Variants in PDE10A observed in about 807,000 individuals in gnomAD.
PDE10A encodes phosphodiesterase 10A.
In PDE10A, 39 loss-of-function variants were observed where a neutral mutation model predicts 97.7. The ratio of observed to expected loss-of-function variants is 0.40; its 90% CI spans 0.31 to 0.52. The LOEUF is 0.52. Ranked by LOEUF, PDE10A falls within the 20% of genes least tolerant of loss-of-function variation. The probability of loss-of-function intolerance (pLI) is 0.56; values close to 1 mark genes in which losing one functional copy is unlikely to be tolerated. For synonymous variants in PDE10A, 371 were observed against 376.8 expected, an observed-to-expected ratio of 0.98 and a Z score of 0.18; for missense variants, 731 against 1,047.8, an observed-to-expected ratio of 0.70 and a Z score of 4.17.
chr6:165,727,463 C>G (rs1472225701), intron 1 of PDE10A, among the ~76,000 whole-genome samples: 3 of 152,168 alleles, frequency 2.0e-5, no homozygotes, highest in Non-Finnish European at 4.4e-5. Flanking sequence ...GATGCCTGTT[C>G]CTCCTCCTTC....
intron 1 of PDE10A, among the ~76,000 whole-genome samples, chr6:165,574,803 A>G (rs948804765): frequency 6.6e-6 from 1 of 152,324 alleles, no homozygotes; most frequent in Middle Eastern, 3.4e-3. Flanking sequence ...TAATAAAACA[A>G]TAGATTTCTG....
intron 1 of PDE10A, among the ~76,000 whole-genome samples, chr6:165,930,973 A>G (rs936719204): frequency 2.0e-5 from 3 of 152,200 alleles, no homozygotes; most frequent in African/African-American, 7.2e-5. Flanking sequence ...GCCCCGTGAA[A>G]TATGGTGAGA....
At chr6:165,599,589 T>C (rs1307928586) in intron 1 of PDE10A, among the ~76,000 whole-genome samples, 1 of 152,248 alleles carries the variant, frequency 6.6e-6, no homozygotes, top group Non-Finnish European at 1.5e-5. Flanking sequence ...TTTAGTATCA[T>C]AAAACTTCTT....
chr6:165,534,948 T>C (rs1005278632), intron 2 of PDE10A, among the ~76,000 whole-genome samples: 1 of 151,902 alleles, frequency 6.6e-6, no homozygotes, highest in African/African-American at 2.4e-5. Context: ...GCCAGAGCAA[T>C]TACACAAGAG....
intron 1 of PDE10A, among the ~76,000 whole-genome samples, chr6:165,690,824 A>G (rs1269616738): frequency 6.6e-6 from 1 of 152,206 alleles, no homozygotes; most frequent in Non-Finnish European, 1.5e-5. Context: ...CAGATATTTC[A>G]TCAAACTTTA....
intron 1 of PDE10A, among the ~76,000 whole-genome samples, chr6:165,872,569 T>C (rs565054029): frequency 3.5e-4 from 53 of 152,284 alleles, no homozygotes; most frequent in African/African-American, 1.2e-3. Context: ...ATGAGTGCAA[T>C]TGTTCCTTTG....
intron 1 of PDE10A, among the ~76,000 whole-genome samples, chr6:165,551,544 A>G (rs998806077): frequency 6.6e-6 from 1 of 152,204 alleles, no homozygotes; most frequent in Admixed American, 6.5e-5. Flanking sequence ...ATAACAGGAA[A>G]ATGAAGCAAA....
intron 3 of PDE10A, among the ~76,000 whole-genome samples, chr6:165,470,635 C>T (rs1443136809): frequency 6.6e-6 from 1 of 152,198 alleles, no homozygotes; most frequent in South Asian, 2.1e-4. Context: ...TTTGGTTACG[C>T]TTGTTTTTCT....
intron 2 of PDE10A, among the ~76,000 whole-genome samples, chr6:165,482,714 C>G (rs553991605): frequency 1.4e-4 from 22 of 152,290 alleles, no homozygotes; most frequent in African/African-American, 4.6e-4. Flanking sequence ...CCCAAATGAC[C>G]TTTAACACTC....
chr6:165,390,824 G>A (rs1310209651), intron 16 of PDE10A, among the ~76,000 whole-genome samples: 1 of 152,156 alleles, frequency 6.6e-6, no homozygotes, highest in Non-Finnish European at 1.5e-5. Context: ...CACATAATTG[G>A]AAGGGAAATC....
chr6:165,340,205 TTTTA>T (rs1302406013), intron 19 of PDE10A, among the ~76,000 whole-genome samples: 3 of 152,320 alleles, frequency 2.0e-5, no homozygotes, highest in Non-Finnish European at 2.9e-5. Flanking sequence ...TTATCTTGCT[TTTTA>T]TTTATTTGTT....
At chr6:165,491,328 A>G (rs1213853824) in intron 2 of PDE10A, among the ~76,000 whole-genome samples, 1 of 152,214 alleles carries the variant, frequency 6.6e-6, no homozygotes, top group Non-Finnish European at 1.5e-5. Flanking sequence ...ACAGCACTAA[A>G]CAGGTCATCA....
intron 2 of PDE10A, among the ~76,000 whole-genome samples, chr6:165,541,921 C>T (rs1783462216): frequency 6.6e-6 from 1 of 152,098 alleles, no homozygotes; most frequent in East Asian, 1.9e-4. Flanking sequence ...ATTTAAAAAA[C>T]ATTACCACTA....
intron 10 of PDE10A, among the ~76,000 whole-genome samples, chr6:165,427,688 A>G (rs373143221): frequency 3.3e-5 from 5 of 152,120 alleles, no homozygotes; most frequent in Admixed American, 1.3e-4. Context: ...GAACATATTA[A>G]TAATACAAAG....
intron 1 of PDE10A, among the ~76,000 whole-genome samples, chr6:165,787,739 G>A (rs74374664): frequency 1.3e-5 from 2 of 152,150 alleles, no homozygotes; most frequent in African/African-American, 2.4e-5. Context: ...CAACCTGCAG[G>A]TATCCTATTT....
chr6:165,897,654 C>T (rs1204519474), intron 1 of PDE10A, among the ~76,000 whole-genome samples: 1 of 147,466 alleles, frequency 6.8e-6, no homozygotes, highest in Non-Finnish European at 1.5e-5. Flanking sequence ...CTCCAGGCTT[C>T]TTGCTTTGCT....
chr6:165,549,241 A>T (rs73250029), intron 1 of PDE10A, among the ~76,000 whole-genome samples: 1,766 of 152,358 alleles, frequency 0.012, 38 homozygotes, highest in African/African-American at 0.04. Context: ...TCATTGTTCT[A>T]TCACACAACA....
At chr6:165,653,518 A>T (rs568256166) in intron 1 of PDE10A, among the ~76,000 whole-genome samples, 2 of 152,194 alleles carry the variant, frequency 1.3e-5, no homozygotes, top group African/African-American at 4.8e-5. Flanking sequence ...GAGGAAGTGG[A>T]GAGAGACAGA....
intron 1 of PDE10A, among the ~76,000 whole-genome samples, chr6:165,563,058 G>A (rs1020352631): frequency 1.3e-5 from 2 of 150,986 alleles, no homozygotes; most frequent in Non-Finnish European, 2.9e-5. Flanking sequence ...TGGACTTTAT[G>A]AAGACAACAA....
Sources: gnomAD v4.1 joint callset for allele counts (sites outside exome capture counted in the v4.1 genomes callset) on GRCh38, gnomAD v4.1.1 for gene constraint, MANE v1.5 for transcripts, NCBI Gene and HGNC (gene_info 2026-07-23, HGNC 2026-07-21) for gene names.